ATG7: variants seen among roughly 807,000 people sequenced by gnomAD.
ATG7 encodes the protein autophagy related 7, also known as ubiquitin-like modifier-activating enzyme ATG7.
ATG7 carries 70 observed loss-of-function variants against 82.4 expected under a neutral mutation model. That is an observed-to-expected ratio of 0.85 (90% CI 0.70 to 1.04). The LOEUF is 1.04. Ranked by LOEUF, ATG7 falls within the 50% of genes least tolerant of loss-of-function variation. ATG7 has a pLI of 0.00. For missense variants in ATG7, 792 were observed against 864.3 expected (o/e 0.92, Z 1.05); for synonymous variants, 287 against 313.0 (o/e 0.92, Z 0.88).
At chr3:11,531,033 G>A (rs2092684262) in intron 20 of ATG7, among the ~76,000 whole-genome samples, 1 of 152,166 alleles carries the variant, frequency 6.6e-6, no homozygotes, top group Admixed American at 6.5e-5. Context: ...CCGTGGTCCT[G>A]GCTAAGTGTC....
chr3:11,432,847 G>GT (rs756784750), intron 20 of ATG7, among the ~76,000 whole-genome samples: 15 of 152,028 alleles, frequency 9.9e-5, no homozygotes, highest in Non-Finnish European at 1.9e-4. Context: ...CTGAGAATGG[G>GT]TTTGGATACT....
chr3:11,521,352 G>A (rs569736526), intron 20 of ATG7, among the ~76,000 whole-genome samples: 1 of 152,234 alleles, frequency 6.6e-6, no homozygotes, highest in South Asian at 2.1e-4. Flanking sequence ...CACAGAGGGT[G>A]ACCTCACCTG....
At chr3:11,354,629 C>A (rs2075802355) in intron 14 of ATG7, among the ~76,000 whole-genome samples, 1 of 111,666 alleles carries the variant, frequency 9.0e-6, no homozygotes, top group African/African-American at 3.6e-5. Flanking sequence ...AGTCTGGTCA[C>A]AGAGTGAGAC....
chr3:11,424,049 C>T (rs937442375), intron 19 of ATG7, among the ~76,000 whole-genome samples: 30 of 152,166 alleles, frequency 2.0e-4, no homozygotes, highest in Non-Finnish European at 4.3e-4. Context: ...TCTCGGGTCA[C>T]AGAGGACTTC....
rs183449037 is a variant in ATG7, at chr3:11,452,449, G to A, written c.2079+25523G>A. ...TTAGATAGTGGTGATGGTTTACACA[G>A]CTGTGAACATATTAAAAGCCATTGA... On this transcript the variant is annotated intron_variant, in intron 20 of 20. Transcript: ENST00000693202. Among the ~76,000 whole-genome samples the A allele has an allele frequency of 1.7e-3, 256 of 146,718 alleles. 1 individual carries two copies. Among genetic ancestry groups the A allele is most frequent in the Admixed American group, 4.5e-3 (66 of 14,684 alleles).
Position 11,282,242 on chromosome 3 carries a change from C to T in ATG7, c.-207C>T, listed in dbSNP as rs1291716366. ...TATCCAGTGCATCCGTTCTCAAAAA[C>T]TGAAGCTGATGGACACCAGATTGCA... On this transcript the variant is annotated 5_prime_UTR_variant, in exon 3 of 21. Coordinates refer to ENST00000693202, the MANE Select transcript of ATG7 (RefSeq NM_001349232.2). The T allele has an allele frequency of 1.3e-5, 2 of 152,218 alleles. No individual in the cohort carries two copies. The highest frequency in any genetic ancestry group is 2.9e-5 in the Non-Finnish European group (2 of 68,050). The allele number at this position is 152,218 out of a possible 1,614,324, so 9.4% of individuals were successfully genotyped here.
At chr3:11,554,314 G>A (rs952090115) in intron 20 of ATG7, among the ~76,000 whole-genome samples, 20 of 152,344 alleles carry the variant, frequency 1.3e-4, no homozygotes, top group African/African-American at 4.8e-4. Context: ...TCTAGTGTGA[G>A]TTGGGAGTGT....
intron 20 of ATG7, among the ~76,000 whole-genome samples, chr3:11,498,467 A>G (rs1252288904): frequency 1.3e-5 from 2 of 152,116 alleles, no homozygotes; most frequent in African/African-American, 2.4e-5. Flanking sequence ...CACTTGCTAT[A>G]TGGGCCACCT....
chr3:11,427,107 G>A (rs931838895), intron 20 of ATG7, among the ~76,000 whole-genome samples, 181 bp downstream of exon 20: 1 of 152,226 alleles, frequency 6.6e-6, no homozygotes, highest in Non-Finnish European at 1.5e-5. Context: ...GGATACTGAT[G>A]TGTGTAGGTT....
chr3:11,527,469 A>G (rs550145090), intron 20 of ATG7, among the ~76,000 whole-genome samples: 1 of 152,304 alleles, frequency 6.6e-6, no homozygotes, highest in East Asian at 1.9e-4. Context: ...TCCCTGGGTA[A>G]CTATTTAATA....
At chr3:11,318,092 A>G (rs1949697747) in intron 9 of ATG7, among the ~76,000 whole-genome samples, 1 of 152,238 alleles carries the variant, frequency 6.6e-6, no homozygotes, top group Non-Finnish European at 1.5e-5. Context: ...CAACAGCAGT[A>G]TATTTTGAAA....
At chr3:11,480,070 G>A (rs936066583) in intron 20 of ATG7, among the ~76,000 whole-genome samples, 2 of 152,076 alleles carry the variant, frequency 1.3e-5, no homozygotes, top group African/African-American at 4.8e-5. Flanking sequence ...TGGGACTACA[G>A]GTGCCCGCCA....
At chr3:11,546,265 G>A (rs578038909) in intron 20 of ATG7, among the ~76,000 whole-genome samples, 7 of 140,926 alleles carry the variant, frequency 5.0e-5, no homozygotes, top group African/African-American at 1.3e-4. Flanking sequence ...TCTTCCTTCC[G>A]GGTTCAAGCA....
intron 19 of ATG7, among the ~76,000 whole-genome samples, chr3:11,403,328 G>T (rs1337719350): frequency 6.9e-6 from 1 of 145,556 alleles, no homozygotes; most frequent in Admixed American, 7.4e-5. Flanking sequence ...GATGTTTCAA[G>T]GGTTTTCTTT....
intron 20 of ATG7, among the ~76,000 whole-genome samples, chr3:11,509,819 A>G (rs375979488): frequency 6.6e-6 from 1 of 152,222 alleles, no homozygotes; most frequent in East Asian, 1.9e-4. Flanking sequence ...TCCCTGACTC[A>G]GTTGCTCCAG....
chr3:11,518,158 A>T (rs112866861), intron 20 of ATG7, among the ~76,000 whole-genome samples: 52 of 152,294 alleles, frequency 3.4e-4, no homozygotes, highest in African/African-American at 9.9e-4. Flanking sequence ...GACTAGTTGT[A>T]GAGAGAGGGA....
chr3:11,341,281 C>T (rs1225768394), intron 12 of ATG7, among the ~76,000 whole-genome samples: 3 of 151,920 alleles, frequency 2.0e-5, no homozygotes, highest in Non-Finnish European at 4.4e-5. Flanking sequence ...AGGCTGGACT[C>T]GAACTCCTGA....
chr3:11,486,872 T>C (rs2089737307), intron 20 of ATG7, among the ~76,000 whole-genome samples: 2 of 149,270 alleles, frequency 1.3e-5, no homozygotes, highest in African/African-American at 5.0e-5. Context: ...TTCTTGGGTG[T>C]TTCTCACAGA....
chr3:11,542,262 C>T (rs1218678060), intron 20 of ATG7, among the ~76,000 whole-genome samples: 2 of 152,192 alleles, frequency 1.3e-5, no homozygotes, highest in African/African-American at 2.4e-5. Flanking sequence ...CAGGAGAGAT[C>T]GTGTAGATAT....
Sources: gnomAD v4.1 joint callset for allele counts (sites outside exome capture counted in the v4.1 genomes callset) on GRCh38, gnomAD v4.1.1 for gene constraint, MANE v1.5 for transcripts, NCBI Gene and HGNC (gene_info 2026-07-23, HGNC 2026-07-21) for gene names.